Variants in BCL2 observed in about 807,000 individuals in gnomAD.
The protein encoded by BCL2 is apoptosis regulator Bcl-2.
A neutral mutation model predicts 14.2 loss-of-function variants in BCL2; 1 was observed. That is an observed-to-expected ratio of 0.07 (90% CI 0.02 to 0.33). The LOEUF (loss-of-function observed/expected upper bound fraction) is 0.33, where lower values mean the gene tolerates loss of function less well. Ranked by LOEUF, BCL2 falls within the 10% of genes least tolerant of loss-of-function variation. The probability of loss-of-function intolerance (pLI) is 0.99; values close to 1 mark genes in which losing one functional copy is unlikely to be tolerated. For synonymous variants in BCL2, 151 were observed against 137.2 expected (o/e 1.10, Z -0.70); for missense variants, 247 against 305.9 (o/e 0.81, Z 1.44).
chr18:63,155,640 G>C (rs1301459650), intron 2 of BCL2, among the ~76,000 whole-genome samples: 1 of 152,204 alleles, frequency 6.6e-6, no homozygotes, highest in Non-Finnish European at 1.5e-5. Flanking sequence ...TGGCTGAGAC[G>C]GACGTTAGAG....
rs568057290 is a variant in BCL2, at chr18:63,274,126, AT to A, written c.585+43955del. ...TTGAGATTAGGAAGGAGGGAGAGATATTTTTTCTCTCTATCCTCTGAGTTGG... is the reference window on the plus strand; with the variant it reads ...TTGAGATTAGGAAGGAGGGAGAGATATTTTTCTCTCTATCCTCTGAGTTGG... On this transcript the variant is annotated intron_variant, in intron 2 of 2. Coordinates refer to ENST00000333681, the MANE Select transcript of BCL2 (RefSeq NM_000633.3). Among the ~76,000 whole-genome samples, 373 of 151,878 alleles carry A rather than the reference AT, an allele frequency of 2.5e-3. 2 individuals are homozygous for A. Among genetic ancestry groups the A allele is most frequent in the African/African-American group, 8.6e-3 (355 of 41,374 alleles).
At position 63,254,132 on chromosome 18, in the gene BCL2, T is replaced by G. The variant is rs2052863900; in HGVS notation, c.585+63950A>C. 2.0e-5 allele frequency among the ~76,000 whole-genome samples: 3 copies of G among 151,962 alleles called. No individual in the cohort carries two copies. The South Asian group carries it at 6.2e-4, about 31-fold the overall frequency. ...AGGCTTCTTTTTATGTACCACAAAC[T>G]CTCAACTATTTAGAATGCTTGCTTC... On this transcript the variant is annotated intron_variant, in intron 2 of 2. Transcript: ENST00000333681.
Position 63,249,316 on chromosome 18 carries a change from A to C in BCL2, c.585+68766T>G, listed in dbSNP as rs1056157782. Among the ~76,000 whole-genome samples the C allele has an allele frequency of 2.6e-5, 4 of 152,082 alleles. No individual in the cohort carries two copies. In the East Asian group the frequency reaches 7.7e-4, roughly 29 times the overall value. On this transcript the variant is annotated intron_variant, in intron 2 of 2. Coordinates refer to ENST00000333681, the MANE Select transcript of BCL2 (RefSeq NM_000633.3). The stretch of plus-strand genomic sequence containing the variant: ...TTGTGATCAGTCCTGTCCATTTAAC[A>C]CCCTACTGTTAATCTCCTAGTCTCA...
intron 2 of BCL2, among the ~76,000 whole-genome samples, chr18:63,129,038 T>C (rs1913992131): frequency 6.6e-6 from 1 of 152,178 alleles, no homozygotes; most frequent in African/African-American, 2.4e-5. Flanking sequence ...GAAGCTTCCA[T>C]TGAGTGGAAC....
At chr18:63,295,969 A>G (rs1776529887) in intron 2 of BCL2, among the ~76,000 whole-genome samples, 1 of 152,136 alleles carries the variant, frequency 6.6e-6, no homozygotes, top group South Asian at 2.1e-4. Context: ...TTGTGACCAC[A>G]TGCTTGTCTC....
chr18:63,299,721 C>A (rs867730564), intron 2 of BCL2, among the ~76,000 whole-genome samples: 8 of 152,160 alleles, frequency 5.3e-5, no homozygotes, highest in Admixed American at 1.3e-4. Flanking sequence ...CATTCCCAAG[C>A]TTGGCAGGCC....
At chr18:63,249,952 G>A (rs989068760) in intron 2 of BCL2, among the ~76,000 whole-genome samples, 8 of 152,054 alleles carry the variant, frequency 5.3e-5, no homozygotes, top group African/African-American at 1.7e-4. Context: ...ACCGAATGCC[G>A]CACCGCACAC....
At position 63,123,996 on chromosome 18, in the gene BCL2, CTTG is replaced by C. The variant is rs1285467928; in HGVS notation, c.*4626_*4628del. ...TGCTCAGCTTGGTATGCAGAACAAC[CTTG>C]TTGTTGATAGGATGTTTGCTTGAAG... On this transcript the variant is annotated 3_prime_UTR_variant, in exon 3 of 3. Transcript: ENST00000333681. The C allele has an allele frequency of 9.0e-6, 2 of 221,678 alleles. No individual in the cohort carries two copies. The highest frequency in any genetic ancestry group is 4.5e-5 in the African/African-American group (2 of 44,588). 13.7% of individuals were successfully genotyped at this position (221,678 alleles called of 1,614,324 possible). A position where few individuals can be genotyped will look rare whatever the true frequency, so the allele number is the denominator to read the frequency against.
intron 2 of BCL2, among the ~76,000 whole-genome samples, chr18:63,133,389 C>T (rs1393966753): frequency 7.3e-6 from 1 of 137,224 alleles, no homozygotes; most frequent in Non-Finnish European, 1.5e-5. Context: ...CTCCCAGGTT[C>T]AAGCAATTCT....
At chr18:63,159,245 C>A (rs960916345) in intron 2 of BCL2, among the ~76,000 whole-genome samples, 2 of 152,170 alleles carry the variant, frequency 1.3e-5, no homozygotes, top group Non-Finnish European at 2.9e-5. Flanking sequence ...CAGAGCAAAC[C>A]TGCAGGAATT....
intron 2 of BCL2, among the ~76,000 whole-genome samples, chr18:63,242,443 C>T (rs917820651): frequency 2.0e-5 from 3 of 152,182 alleles, no homozygotes; most frequent in Middle Eastern, 3.2e-3. Context: ...CATTGTGTGC[C>T]AGTGTTGGAG....
At position 63,125,741 on chromosome 18, in the gene BCL2, A is replaced by G. The variant is rs183691931; in HGVS notation, c.*2884T>C. 70 of 214,622 alleles carry G rather than the reference A, an allele frequency of 3.3e-4. No individual in the cohort carries two copies. The highest frequency in any genetic ancestry group is 4.7e-4 in the Admixed American group (8 of 17,096). The allele number at this position is 214,622 out of a possible 1,614,324, so 13.3% of individuals were successfully genotyped here. A position where few individuals can be genotyped will look rare whatever the true frequency, so the allele number is the denominator to read the frequency against. ...TTTATATACATTCATTGCTTCTAAC[A>G]TGTTTTTAACAATAAGGAAAATGCA... On this transcript the variant is annotated 3_prime_UTR_variant, in exon 3 of 3. Transcript: ENST00000333681.
chr18:63,298,045 C>T (rs1912849418), intron 2 of BCL2, among the ~76,000 whole-genome samples: 1 of 152,164 alleles, frequency 6.6e-6, no homozygotes, highest in Non-Finnish European at 1.5e-5. Flanking sequence ...GCTGCTATGG[C>T]CACCAGTATT....
At chr18:63,244,840 T>C (rs1192399540) in intron 2 of BCL2, among the ~76,000 whole-genome samples, 1 of 152,210 alleles carries the variant, frequency 6.6e-6, no homozygotes, top group Non-Finnish European at 1.5e-5. Flanking sequence ...ACAAGATTGG[T>C]CCTAGACCAC....
intron 2 of BCL2, among the ~76,000 whole-genome samples, chr18:63,275,815 GAGGGGGTTACCTAGGAA>G (rs1912136042): frequency 6.6e-6 from 1 of 152,258 alleles, no homozygotes; most frequent in Non-Finnish European, 1.5e-5. Flanking sequence ...CCACGTGGTG[GAGGGGGTTACCTAGGAA>G]AGGAAGGTCT....
intron 2 of BCL2, among the ~76,000 whole-genome samples, chr18:63,168,773 C>T (rs181018089): frequency 6.6e-6 from 1 of 152,210 alleles, no homozygotes; most frequent in Non-Finnish European, 1.5e-5. Context: ...GTATAAAGTC[C>T]TCCTGGAATG....
intron 2 of BCL2, among the ~76,000 whole-genome samples, chr18:63,251,790 C>T (rs1911326937): frequency 6.6e-6 from 1 of 151,264 alleles, no homozygotes; most frequent in South Asian, 2.1e-4. Flanking sequence ...ACTCCACCTT[C>T]CGGGTTCAAG....
At chr18:63,226,114 C>G (rs758597630) in intron 2 of BCL2, among the ~76,000 whole-genome samples, 1 of 152,176 alleles carries the variant, frequency 6.6e-6, no homozygotes, top group Non-Finnish European at 1.5e-5. Flanking sequence ...TGAAGTCCAG[C>G]CATCCCTGGC....
chr18:63,142,695 GAGA>G (rs1364233334), intron 2 of BCL2, among the ~76,000 whole-genome samples: 1 of 152,226 alleles, frequency 6.6e-6, no homozygotes, highest in African/African-American at 2.4e-5. Context: ...CGATCAGGAA[GAGA>G]AGAACAATTA....
Sources: gnomAD v4.1 joint callset for allele counts (sites outside exome capture counted in the v4.1 genomes callset) on GRCh38, gnomAD v4.1.1 for gene constraint, MANE v1.5 for transcripts, NCBI Gene and HGNC (gene_info 2026-07-23, HGNC 2026-07-21) for gene names.